CALU: variants seen among roughly 807,000 people sequenced by gnomAD.
CALU encodes IEF SSP 9302.
CALU carries 13 observed loss-of-function variants against 37.5 expected under a neutral mutation model. That is an observed-to-expected ratio of 0.35 (90% CI 0.23 to 0.55). The LOEUF (loss-of-function observed/expected upper bound fraction) is 0.55. Ranked by LOEUF, CALU falls within the 20% of genes least tolerant of loss-of-function variation. The pLI is 0.89. For missense variants in CALU, 282 were observed against 391.7 expected (o/e 0.72, Z 2.36); for synonymous variants, 114 against 133.8 (o/e 0.85, Z 1.02).
chr7:128,747,092 T>A (rs1800476151), intron 1 of CALU, among the ~76,000 whole-genome samples: 1 of 152,072 alleles, frequency 6.6e-6, no homozygotes, highest in African/African-American at 2.4e-5. Flanking sequence ...TTTGTGTATT[T>A]TTCCATAATC....
At position 128,754,364 on chromosome 7, in the gene CALU, TGTA is replaced by T; in HGVS notation, c.326_328del (p.Val109del). The stretch of plus-strand genomic sequence containing the variant: ...CACAAAAGCGCTGGATTTACGAGGA[TGTA>T]GAGCGACAGTGGAAGGGGCATGACC... On this transcript the variant is annotated inframe_deletion, in exon 3 of 7. Coordinates refer to ENST00000249364, the MANE Select transcript of CALU (RefSeq NM_001219.5). The T allele has an allele frequency of 6.2e-7, 1 of 1,614,178 alleles. No individual in the cohort carries two copies. The highest frequency in any genetic ancestry group is 8.5e-7 in the Non-Finnish European group (1 of 1,180,032).
At chr7:128,758,240 A>C (rs1056937406) in intron 3 of CALU, among the ~76,000 whole-genome samples, 42 of 152,158 alleles carry the variant, frequency 2.8e-4, no homozygotes, top group Non-Finnish European at 5.6e-4. Context: ...AAAAAAACAG[A>C]ATGTGACCTT....
At chr7:128,741,672 T>G (rs908780495) in intron 1 of CALU, among the ~76,000 whole-genome samples, 17 of 152,200 alleles carry the variant, frequency 1.1e-4, no homozygotes, top group African/African-American at 3.6e-4. Flanking sequence ...TGAAGGAAGT[T>G]TGAGCTAAAA....
intron 1 of CALU, chr7:128,747,655 C>T (rs1388143923): frequency 1.3e-5 from 2 of 151,590 alleles, no homozygotes; most frequent in African/African-American, 2.4e-5. Flanking sequence ...TTTTTTCCCT[C>T]TAAGACCTTA....
chr7:128,764,379 T>C (rs1345886918), intron 5 of CALU, among the ~76,000 whole-genome samples: 1 of 152,110 alleles, frequency 6.6e-6, no homozygotes, highest in Non-Finnish European at 1.5e-5. Flanking sequence ...TGCACCGTTA[T>C]TGTACCACTG....
chr7:128,754,574 G>A (rs774040896), intron 3 of CALU, 119 bp downstream of exon 3: 36 of 1,552,624 alleles, frequency 2.3e-5, no homozygotes, highest in South Asian at 9.5e-5. Context: ...GGTTTGTGAC[G>A]GAGGGGGAGC....
chr7:128,766,363 C>T (rs1236015052), intron 5 of CALU, among the ~76,000 whole-genome samples: 2 of 149,600 alleles, frequency 1.3e-5, no homozygotes, highest in African/African-American at 4.9e-5. Flanking sequence ...GACATGCAAA[C>T]GAATTTATTC....
intron 6 of CALU, among the ~76,000 whole-genome samples, 200 bp from the exon 7 acceptor site, chr7:128,768,863 A>AAACAAAAAAAAAAC (rs1801442087): frequency 6.8e-6 from 1 of 147,938 alleles, no homozygotes; most frequent in African/African-American, 2.6e-5. Context: ...AAAAAAAAAA[A>AAACAAAAAAAAAAC]AAAAACAAGG....
In CALU at chr7:128,759,058, T is replaced by C. The variant is rs199979948; in HGVS notation, c.582+21T>C. ...TACAGGTGGGTGAGATGAAGGATTC[T>C]GAACAGGGACTCAGTTTCTCTTTTT... On this transcript the variant is annotated intron_variant, in intron 4 of 6. Coordinates refer to ENST00000249364, the MANE Select transcript of CALU (RefSeq NM_001219.5). 8.7e-5 allele frequency: 139 copies of C among 1,593,842 alleles called. No individual in the cohort carries two copies. In the African/African-American group the frequency reaches 1.6e-3, roughly 18 times the overall value.
intron 2 of CALU, among the ~76,000 whole-genome samples, chr7:128,749,943 C>T (rs1259858945): frequency 6.6e-6 from 1 of 152,044 alleles, no homozygotes; most frequent in African/African-American, 2.4e-5. Flanking sequence ...AATAGAAATG[C>T]AGATCAGGTA....
chr7:128,740,795 ATTGT>A (rs1800211245), intron 1 of CALU, among the ~76,000 whole-genome samples: 4 of 152,150 alleles, frequency 2.6e-5, no homozygotes, highest in South Asian at 2.1e-4. Flanking sequence ...CAATGTAATC[ATTGT>A]TTGTTTTCAT....
chr7:128,761,593 A>G (rs977449106), intron 5 of CALU: 1 of 152,228 alleles, frequency 6.6e-6, no homozygotes, highest in African/African-American at 2.4e-5. Flanking sequence ...GCGAGACTCC[A>G]TCTCTTTAGA....
At chr7:128,754,884 T>G (rs1394097221) in intron 3 of CALU, among the ~76,000 whole-genome samples, 1 of 152,214 alleles carries the variant, frequency 6.6e-6, no homozygotes, top group Non-Finnish European at 1.5e-5. Context: ...ATTTTTAAAT[T>G]TGTTTAATTT....
At chr7:128,745,369 C>G (rs1172238076) in intron 1 of CALU, among the ~76,000 whole-genome samples, 1 of 152,006 alleles carries the variant, frequency 6.6e-6, no homozygotes, top group Non-Finnish European at 1.5e-5. Context: ...ACTGTAATCC[C>G]AGCACTTTGG....
At chr7:128,768,505 A>G (rs1449036221) in intron 6 of CALU, among the ~76,000 whole-genome samples, 1 of 152,144 alleles carries the variant, frequency 6.6e-6, no homozygotes, top group Non-Finnish European at 1.5e-5. Context: ...GTTGTGTTAT[A>G]TTCTTTCCAC....
At chr7:128,756,056 C>G (rs1383892882) in intron 3 of CALU, among the ~76,000 whole-genome samples, 1 of 152,210 alleles carries the variant, frequency 6.6e-6, no homozygotes, top group Non-Finnish European at 1.5e-5. Flanking sequence ...GACACTTAGC[C>G]AAGAACCAAA....
At chr7:128,758,804 C>T in intron 3 of CALU, 67 bp from the exon 4 acceptor site, 1 of 1,094,908 alleles carries the variant, frequency 9.1e-7, no homozygotes, top group South Asian at 1.5e-5. Context: ...AAATTGATTT[C>T]CCACCCCACA....
At chr7:128,745,160 A>T in intron 1 of CALU, among the ~76,000 whole-genome samples, 1 of 152,200 alleles carries the variant, frequency 6.6e-6, no homozygotes, top group African/African-American at 2.4e-5. Context: ...ATTTTCCTAA[A>T]GATAAAGTCC....
intron 5 of CALU, among the ~76,000 whole-genome samples, chr7:128,765,691 G>C (rs1037202741): frequency 6.6e-6 from 1 of 152,004 alleles, no homozygotes; most frequent in African/African-American, 2.4e-5. Flanking sequence ...TATTACAGAC[G>C]TTTTATGTTT....
Sources: allele counts gnomAD v4.1 joint callset (sites outside exome capture counted in the v4.1 genomes callset), GRCh38; gene constraint gnomAD v4.1.1; transcripts MANE v1.5; gene names NCBI Gene and HGNC (gene_info 2026-07-23, HGNC 2026-07-21).